Variants in COL5A2 observed in about 807,000 individuals in gnomAD.
COL5A2 encodes the protein collagen type V alpha 2 chain.
COL5A2 carries 23 observed loss-of-function variants against 208.2 expected under a neutral mutation model. The observed-to-expected ratio is 0.11, with a 90% CI of 0.08 to 0.16. The LOEUF (loss-of-function observed/expected upper bound fraction) is 0.16, where lower values mean the gene tolerates loss of function less well. Ranked by LOEUF, COL5A2 falls within the 10% of genes least tolerant of loss-of-function variation. The probability of loss-of-function intolerance (pLI) is 1.00; values close to 1 mark genes in which losing one functional copy is unlikely to be tolerated. For synonymous variants in COL5A2, 625 were observed against 628.5 expected (o/e 0.99, Z 0.08); for missense variants, 1,590 against 1,956.4 (o/e 0.81, Z 3.53).
chr2:189,172,286 C>G (rs1460120572), intron 1 of COL5A2, among the ~76,000 whole-genome samples: 5 of 152,142 alleles, frequency 3.3e-5, no homozygotes, highest in Non-Finnish European at 5.9e-5. Flanking sequence ...ACTGATGGAA[C>G]AAGTTCCTCA....
chr2:189,142,071 G>A (rs1174313719), intron 1 of COL5A2, among the ~76,000 whole-genome samples: 1 of 152,004 alleles, frequency 6.6e-6, no homozygotes, highest in East Asian at 1.9e-4. Flanking sequence ...TGTTAACATT[G>A]TATAGACTTG....
At chr2:189,093,827 C>G (rs895885771) in intron 6 of COL5A2, among the ~76,000 whole-genome samples, 2 of 152,174 alleles carry the variant, frequency 1.3e-5, no homozygotes, top group Non-Finnish European at 2.9e-5. Context: ...ATGAGAGTAA[C>G]ATGAACTGGA....
intron 1 of COL5A2, among the ~76,000 whole-genome samples, chr2:189,149,088 C>T (rs893530557): frequency 2.2e-4 from 33 of 152,084 alleles, no homozygotes; most frequent in Admixed American, 1.4e-3. Flanking sequence ...TGCAGTGAGC[C>T]GAGATCGCAC....
the COL5A2 span, among the ~76,000 whole-genome samples, chr2:189,318,529 G>C: frequency 6.6e-6 from 1 of 152,218 alleles, no homozygotes; most frequent in African/African-American, 2.4e-5. Flanking sequence ...CCCTCAACAA[G>C]AATCCCTTTC....
the COL5A2 span, among the ~76,000 whole-genome samples, chr2:189,292,360 T>A: frequency 6.6e-6 from 1 of 152,168 alleles, no homozygotes. Flanking sequence ...ACCTTGACAT[T>A]GGCCATTCTG....
At chr2:189,078,076 A>G (rs1226794665) in intron 16 of COL5A2, among the ~76,000 whole-genome samples, 1 of 152,180 alleles carries the variant, frequency 6.6e-6, no homozygotes, top group Non-Finnish European at 1.5e-5. Flanking sequence ...CACATCTTTC[A>G]AAGAGTGCAC....
the COL5A2 span, among the ~76,000 whole-genome samples, chr2:189,345,684 G>T: frequency 6.6e-6 from 1 of 152,156 alleles, no homozygotes; most frequent in Admixed American, 6.5e-5. Flanking sequence ...TATTGGATTT[G>T]GCAATATGGA....
chr2:189,304,246 G>A, the COL5A2 span, among the ~76,000 whole-genome samples: 2 of 152,056 alleles, frequency 1.3e-5, no homozygotes, highest in Admixed American at 1.3e-4. Flanking sequence ...AATAACAAGG[G>A]CTTTATTTCC....
chr2:189,422,705 A>G, the COL5A2 span, among the ~76,000 whole-genome samples: 1 of 152,170 alleles, frequency 6.6e-6, no homozygotes, highest in Non-Finnish European at 1.5e-5. Flanking sequence ...ATAAAATTAG[A>G]AGTCAATAAC....
chr2:189,201,756 T>C (rs1487423222), intron 1 of COL5A2, among the ~76,000 whole-genome samples: 3 of 151,770 alleles, frequency 2.0e-5, no homozygotes. Context: ...GAACAACATA[T>C]AAGCTAAGAG....
chr2:189,217,503 TTGTGTG>T (rs111881864), intron 1 of COL5A2, among the ~76,000 whole-genome samples: 5 of 150,988 alleles, frequency 3.3e-5, no homozygotes, highest in Non-Finnish European at 1.5e-5. Flanking sequence ...TTAGTGAGAT[TTGTGTG>T]TGTGTGTGTG....
chr2:189,201,294 G>A (rs1356336376), intron 1 of COL5A2, among the ~76,000 whole-genome samples: 1 of 151,916 alleles, frequency 6.6e-6, no homozygotes, highest in Non-Finnish European at 1.5e-5. Flanking sequence ...ATATTAAAAA[G>A]AGGTTTTAAT....
chr2:189,054,175 C>T lies in COL5A2; in HGVS notation c.2429G>A (p.Gly810Asp). Residue 810 changes from glycine (G) to aspartate (D), a missense_variant, in exon 36 of 54, where the codon GGT (glycine) becomes GAT (aspartate). Coordinates refer to ENST00000374866, the MANE Select transcript of COL5A2 (RefSeq NM_000393.5). ...GTGACTTACCTTTTCTCCAGTAGGA[C>T]CTGCCGGACCTGGAGGGCCCAAAGG... ...PGPLGPPGPA[G>D]PTGEKGEPGP... 1 of 1,614,070 alleles carries T rather than the reference C, an allele frequency of 6.2e-7. No individual in the cohort carries two copies. The highest frequency in any genetic ancestry group is 8.5e-7 in the Non-Finnish European group (1 of 1,179,954).
chr2:189,425,151 A>G, the COL5A2 span, among the ~76,000 whole-genome samples: 1 of 152,242 alleles, frequency 6.6e-6, no homozygotes, highest in Non-Finnish European at 1.5e-5. Flanking sequence ...ACAAGGAGGT[A>G]TCATCTCACT....
intron 1 of COL5A2, among the ~76,000 whole-genome samples, chr2:189,220,026 C>T (rs1689327752): frequency 6.6e-6 from 1 of 151,848 alleles, no homozygotes; most frequent in Non-Finnish European, 1.5e-5. Context: ...CACAAATGGC[C>T]TATTATAATG....
the COL5A2 span, among the ~76,000 whole-genome samples, chr2:189,237,322 T>C: frequency 3.3e-5 from 5 of 151,810 alleles, no homozygotes; most frequent in African/African-American, 1.2e-4. Flanking sequence ...GTTCTTTCAA[T>C]TTTATCTCTT....
At chr2:189,116,355 T>C (rs1156868060) in intron 1 of COL5A2, among the ~76,000 whole-genome samples, 1 of 152,208 alleles carries the variant, frequency 6.6e-6, no homozygotes, top group Non-Finnish European at 1.5e-5. Flanking sequence ...CCTTCTGCTC[T>C]AGGGCACTGT....
At chr2:189,088,669 C>T in intron 8 of COL5A2, 26 bp downstream of exon 8, 2 of 1,573,182 alleles carry the variant, frequency 1.3e-6, no homozygotes, top group African/African-American at 1.3e-5. Flanking sequence ...TGAAGTACTT[C>T]AATGATCAGT....
At chr2:189,396,710 G>A in the COL5A2 span, among the ~76,000 whole-genome samples, 125 of 148,800 alleles carry the variant, frequency 8.4e-4, no homozygotes, top group East Asian at 4.4e-3. Context: ...GAGGCCGGGC[G>A]CGGTGGCTTA....
Sources: gnomAD v4.1 joint callset for allele counts (sites outside exome capture counted in the v4.1 genomes callset) on GRCh38, gnomAD v4.1.1 for gene constraint, MANE v1.5 for transcripts, NCBI Gene and HGNC (gene_info 2026-07-23, HGNC 2026-07-21) for gene names.